The following CDHR1 variants were observed in gnomAD, a reference collection of about 807,000 sequenced individuals.
CDHR1 encodes cadherin related family member 1.
Under a neutral mutation model 72.1 loss-of-function variants are expected in CDHR1, and 61 were observed. The ratio of observed to expected loss-of-function variants is 0.85; its 90% confidence interval spans 0.69 to 1.05. The LOEUF is 1.05. Among genes scored for constraint, CDHR1 ranks in the 50% least tolerant of loss-of-function variants. CDHR1 has a pLI of 0.00. For synonymous variants in CDHR1, 470 were observed against 448.1 expected (o/e 1.05, Z -0.62); for missense variants, 1,186 against 1,115.7 (o/e 1.06, Z -0.90).
In CDHR1 at chr10:84,214,550, C is replaced by T. The variant is rs769701865; in HGVS notation, c.2509C>T (p.Gln837Ter). ...PKPKTMGSPV[Q>*]STLISELKQK... ...ACCCAAAACTATGGGAAGCCCCGTC[C>T]AGTCAACTCTGATCTCTGAGCTCAA... Residue 837 changes from glutamine (Q) to a stop codon, truncating the protein, a stop_gained, in exon 17 of 17, where the codon CAG becomes TAG. Transcript: ENST00000623527. LOFTEE classifies it high-confidence loss of function. 1 of 1,601,700 alleles carries T rather than the reference C, an allele frequency of 6.2e-7. No individual in the cohort carries two copies. Among genetic ancestry groups the T allele is most frequent in the South Asian group, 1.1e-5 (1 of 91,082 alleles).
intron 10 of CDHR1, 21 bp downstream of exon 10, chr10:84,205,948 T>G (rs371731906): frequency 2.9e-5 from 45 of 1,578,750 alleles, no homozygotes; most frequent in Non-Finnish European, 3.7e-5. Context: ...TCTAGCTTTG[T>G]CTTCCCTGCC....
chr10:84,195,626 C>T, intron 2 of CDHR1, 37 bp downstream of exon 2: 1 of 1,555,118 alleles, frequency 6.4e-7, no homozygotes, highest in South Asian at 1.1e-5. Context: ...ATAGGTCTCC[C>T]TGAGGGGTGC....
At position 84,203,117 on chromosome 10, in the gene CDHR1, C is replaced by T; in HGVS notation, c.777C>T (p.Thr259=). 6.2e-7 allele frequency: 1 copy of T among 1,614,186 alleles called. No homozygotes were observed. Among genetic ancestry groups the T allele is most frequent in the South Asian group, 1.1e-5 (1 of 91,080 alleles). The change falls in exon 8 of 17, where the codon ACC becomes ACT. Residue 259 remains threonine (T), a synonymous_variant. Transcript: ENST00000623527. The part of the protein sequence containing the change: ...TPYYGYVYED[T]LPGSEVLKVV... ...ACTATGGCTATGTGTACGAGGACAC[C>T]CTTCCGGTGGGTGGCTGTCCCCCTC...
Position 84,200,675 on chromosome 10 carries a change from C to A in CDHR1, c.513C>A (p.Thr171=). 1 of 1,610,062 alleles carries A rather than the reference C, an allele frequency of 6.2e-7. No individual in the cohort carries two copies. Among genetic ancestry groups the A allele is most frequent in the African/African-American group, 1.3e-5 (1 of 74,962 alleles). ...DRDTGSGGSV[T]YFLQNLHSPF... ...ACACAGGCTCTGGAGGGAGTGTCAC[C>A]TACTTCCTGCAGGTAAGGCAGGACA... is the stretch of plus-strand genomic sequence containing the variant. The change falls in exon 6 of 17, where the codon ACC becomes ACA. Residue 171 remains threonine, a synonymous_variant. Transcript: ENST00000623527.
rs760209398 is a variant in CDHR1 at position 84,202,980 on chromosome 10, G to A, written c.640G>A (p.Asp214Asn). Residue 214 changes from aspartate (D) to asparagine (N), a missense_variant and splice_region_variant, in exon 8 of 17, where the codon GAT becomes AAT. Physicochemically the swap from Asp to Asn is conservative, Grantham distance 23. Transcript: ENST00000623527. ...CCTGTGGCCTCCGATTCTTCTGCAG[G>A]ATGGCGGTGGGAGGCTTCATGGGGC... Reference protein sequence around the residue: ...RTHYITVVAKDGGGRLHGADV... With the variant: ...RTHYITVVAKNGGGRLHGADV... 2 of 1,614,196 alleles carry A rather than the reference G, an allele frequency of 1.2e-6. No individual in the cohort carries two copies. The highest frequency in any genetic ancestry group is 3.3e-5 in the Admixed American group (2 of 60,020).
intron 5 of CDHR1, among the ~76,000 whole-genome samples, chr10:84,199,907 T>A (rs1265063680): frequency 6.6e-6 from 1 of 152,188 alleles, no homozygotes; most frequent in Non-Finnish European, 1.5e-5. Flanking sequence ...GCACGGTGGC[T>A]CACACCTGTA....
chr10:84,211,583 G>T, intron 13 of CDHR1, 65 bp from the exon 14 acceptor site: 1 of 1,424,886 alleles, frequency 7.0e-7, no homozygotes, highest in Non-Finnish European at 9.9e-7. Context: ...AACCCTCAGG[G>T]CATGGGAGCT....
intron 5 of CDHR1, among the ~76,000 whole-genome samples, chr10:84,199,514 C>G (rs1467651268): frequency 6.6e-6 from 1 of 152,134 alleles, no homozygotes; most frequent in Non-Finnish European, 1.5e-5. Flanking sequence ...CCTATTTGCA[C>G]TTAAGTTATA....
chr10:84,215,610 C>A lies in CDHR1; in HGVS notation c.*989C>A. ...TGAAGAAAGTAGGCCCTGTCTACCT[C>A]ACATGCAGGTCTAGGGTGAGGATTG... is the stretch of plus-strand genomic sequence containing the variant. On this transcript the variant is annotated 3_prime_UTR_variant, in exon 17 of 17. Transcript: ENST00000623527. 1 of 921,952 alleles carries A rather than the reference C, an allele frequency of 1.1e-6. No homozygotes were observed. The highest frequency in any genetic ancestry group is 1.3e-6 in the Non-Finnish European group (1 of 772,106). The allele number at this position is 921,952 out of a possible 1,614,324, so 57.1% of individuals were successfully genotyped here.
At chr10:84,200,467 C>T (rs1025530953) in intron 5 of CDHR1, 134 bp from the exon 6 acceptor site, 65 of 715,370 alleles carry the variant, frequency 9.1e-5, no homozygotes, top group South Asian at 8.8e-4. Context: ...GGTGCTCACA[C>T]ATTTTATCCT....
intron 3 of CDHR1, 111 bp downstream of exon 3, chr10:84,196,761 G>A: frequency 7.9e-7 from 1 of 1,258,566 alleles, no homozygotes; most frequent in Non-Finnish European, 1.2e-6. Context: ...AGTAGGGGAT[G>A]AGGGGGCACA....
chr10:84,216,578 C>A lies in CDHR1; in HGVS notation c.*1957C>A. On this transcript the variant is annotated 3_prime_UTR_variant, in exon 17 of 17. Coordinates refer to ENST00000623527, the MANE Select transcript of CDHR1 (RefSeq NM_033100.4). The stretch of plus-strand genomic sequence containing the variant: ...ATTTATGTTTGCTGACCTGTGGAGA[C>A]CAGTCTTTCTGACACACAGTGAAGC... 4 of 985,506 alleles carry A rather than the reference C, an allele frequency of 4.1e-6. No individual in the cohort carries two copies. Among genetic ancestry groups the A allele is most frequent in the Non-Finnish European group, 4.8e-6 (4 of 829,944 alleles). The allele number at this position is 985,506 out of a possible 1,614,324, so 61.0% of individuals were successfully genotyped here.
downstream of CDHR1, chr10:84,219,219 T>A (rs767197082): frequency 5.8e-6 from 9 of 1,550,934 alleles, no homozygotes; most frequent in South Asian, 9.5e-5. Flanking sequence ...CCTTATTCAA[T>A]CTGAGTAATG....
chr10:84,219,112 T>C, downstream of CDHR1: 1 of 1,351,458 alleles, frequency 7.4e-7, no homozygotes, highest in East Asian at 2.5e-5. Context: ...AAATAGTAAC[T>C]TCCCTGGTAC....
chr10:84,211,623 C>A, intron 13 of CDHR1, 25 bp from the exon 14 acceptor site: 1 of 1,609,328 alleles, frequency 6.2e-7, no homozygotes, highest in Non-Finnish European at 8.5e-7. Context: ...GAGGCACGTG[C>A]CACCCAGGGC....
At chr10:84,206,890 T>G (rs113462563) in intron 10 of CDHR1, among the ~76,000 whole-genome samples, 2 of 151,762 alleles carry the variant, frequency 1.3e-5, no homozygotes, top group African/African-American at 4.8e-5. Context: ...TGAGGGTAGG[T>G]GGGATGGAAG....
chr10:84,209,824 T>C (rs1372058333), intron 12 of CDHR1, among the ~76,000 whole-genome samples: 2 of 152,174 alleles, frequency 1.3e-5, no homozygotes, highest in Non-Finnish European at 2.9e-5. Context: ...ATAAGAAATA[T>C]GTATCATGCA....
chr10:84,208,522 C>A, intron 11 of CDHR1, 145 bp downstream of exon 11: 1 of 1,066,680 alleles, frequency 9.4e-7, no homozygotes, highest in Non-Finnish European at 1.4e-6. Flanking sequence ...AAGTTGTAAC[C>A]AAGGGGGAGA....
rs1255845281 is a variant in CDHR1 at position 84,217,441 on chromosome 10, A to G, written c.*2820A>G. On this transcript the variant is annotated 3_prime_UTR_variant, in exon 17 of 17. Transcript: ENST00000623527. ...CACGTGAAATAACAAAGTCCTTTAC[A>G]GTTTGACAGCCCTAGGTCTGAATTC... is the stretch of plus-strand genomic sequence containing the variant. The G allele has an allele frequency of 1.0e-6, 1 of 985,052 alleles. No homozygotes were observed. The highest frequency in any genetic ancestry group is 1.7e-5 in the African/African-American group (1 of 57,244). The allele number at this position is 985,052 out of a possible 1,614,324, so 61.0% of individuals were successfully genotyped here.
Sources: gnomAD v4.1 joint callset for allele counts (sites outside exome capture counted in the v4.1 genomes callset) on GRCh38, gnomAD v4.1.1 for gene constraint, MANE v1.5 for transcripts, NCBI Gene and HGNC (gene_info 2026-07-23, HGNC 2026-07-21) for gene names.